SMAD9: variants seen among roughly 807,000 people sequenced by gnomAD.
The protein encoded by SMAD9 is SMAD family member 9, also known as MAD homolog 9.
Under a neutral mutation model 46.1 loss-of-function variants are expected in SMAD9, and 36 were observed. The observed-to-expected ratio is 0.78, with a 90% CI of 0.60 to 1.03. The LOEUF is 1.03. Ranked by LOEUF, SMAD9 falls within the 50% of genes least tolerant of loss-of-function variation. SMAD9 has a pLI of 0.00. For synonymous variants in SMAD9, 245 were observed against 237.1 expected (o/e 1.03, Z -0.31); for missense variants, 572 against 599.8 (o/e 0.95, Z 0.48).
At position 36,905,326 on chromosome 13, in the gene SMAD9, A is replaced by C. The variant is rs1251605008; in HGVS notation, c.-187+14790T>G. Reference sequence around the variant, plus strand: ...GTAATTCACTCTTCCTGAAAATCTTAATCATTCTTATCCTGTTCAAAAGGT... The same window carrying C: ...GTAATTCACTCTTCCTGAAAATCTTCATCATTCTTATCCTGTTCAAAAGGT... On this transcript the variant is annotated intron_variant, in intron 1 of 6. Coordinates refer to ENST00000379826, the MANE Select transcript of SMAD9 (RefSeq NM_001127217.3). Among the ~76,000 whole-genome samples the C allele has an allele frequency of 2.6e-5, 4 of 152,270 alleles. No individual in the cohort carries two copies. The South Asian group carries it at 6.2e-4, about 24-fold the overall frequency.
intron 2 of SMAD9, among the ~76,000 whole-genome samples, chr13:36,877,399 A>T (rs996639975): frequency 5.3e-5 from 8 of 152,216 alleles, no homozygotes; most frequent in Non-Finnish European, 1.2e-4. Context: ...TAGTTCTTTA[A>T]AATTAGGCTT....
intron 6 of SMAD9, among the ~76,000 whole-genome samples, chr13:36,849,157 C>G (rs575966440): frequency 6.2e-4 from 94 of 152,214 alleles, no homozygotes; most frequent in African/African-American, 2.2e-3. Context: ...CCCTTCATGC[C>G]CAGGACAGTG....
intron 1 of SMAD9, among the ~76,000 whole-genome samples, chr13:36,918,715 T>G (rs564134896): frequency 2.6e-4 from 40 of 152,340 alleles, no homozygotes; most frequent in African/African-American, 9.6e-4. Context: ...GAGTTGAGAA[T>G]GTCTTTGGCT....
At chr13:36,906,036 A>G (rs991649933) in intron 1 of SMAD9, among the ~76,000 whole-genome samples, 1 of 152,152 alleles carries the variant, frequency 6.6e-6, no homozygotes, top group Non-Finnish European at 1.5e-5. Flanking sequence ...TTAAATAAGG[A>G]GAACACCAAG....
At position 36,847,746 on chromosome 13, in the gene SMAD9, C is replaced by G. The variant is rs1593540957; in HGVS notation, c.*930G>C. 1 of 152,352 alleles carries G rather than the reference C, an allele frequency of 6.6e-6. No individual in the cohort carries two copies. Among genetic ancestry groups the G allele is most frequent in the Non-Finnish European group, 1.5e-5 (1 of 68,040 alleles). The allele number at this position is 152,352 out of a possible 1,614,324, so 9.4% of individuals were successfully genotyped here. A position where few individuals can be genotyped will look rare whatever the true frequency, so the allele number is the denominator to read the frequency against. ...TGGGAAATGAGAAAGTGTAAGTCGA[C>G]GTGTGATGCTTTTCTCCAACCTTTG... On this transcript the variant is annotated 3_prime_UTR_variant, in exon 7 of 7. Transcript: ENST00000379826.
At position 36,847,398 on chromosome 13, in the gene SMAD9, ATTTGGGGGAT is replaced by A. The variant is rs2058044178; in HGVS notation, c.*1268_*1277del. On this transcript the variant is annotated 3_prime_UTR_variant, in exon 7 of 7. Coordinates refer to ENST00000379826, the MANE Select transcript of SMAD9 (RefSeq NM_001127217.3). ...AGTATATATATGAAAGTACCTAGAA[ATTTGGGGGAT>A]TTTCCTCCCTCATCTAAAGTAAAAT... is the stretch of plus-strand genomic sequence containing the variant. The A allele has an allele frequency of 6.6e-6, 1 of 152,218 alleles. No individual in the cohort carries two copies. Among genetic ancestry groups the A allele is most frequent in the Non-Finnish European group, 1.5e-5 (1 of 68,042 alleles). 9.4% of individuals were successfully genotyped at this position (152,218 alleles called of 1,614,324 possible). A position where few individuals can be genotyped will look rare whatever the true frequency, so the allele number is the denominator to read the frequency against.
rs2058039408 is a variant in SMAD9, at chr13:36,846,493, A to G, written c.*2183T>C. 6.8e-6 allele frequency: 1 copy of G among 146,738 alleles called. No individual in the cohort carries two copies. Among genetic ancestry groups the G allele is most frequent in the African/African-American group, 2.6e-5 (1 of 39,048 alleles). 9.1% of individuals were successfully genotyped at this position (146,738 alleles called of 1,614,324 possible). A position where few individuals can be genotyped will look rare whatever the true frequency, so the allele number is the denominator to read the frequency against. On this transcript the variant is annotated 3_prime_UTR_variant, in exon 7 of 7. Coordinates refer to ENST00000379826, the MANE Select transcript of SMAD9 (RefSeq NM_001127217.3). ...CATCTCAAAAAAAAAAAAAAAAAAAAAAAGATTACCAGAGGATAAGTTAGA... is the reference window on the plus strand; with the variant it reads ...CATCTCAAAAAAAAAAAAAAAAAAAGAAAGATTACCAGAGGATAAGTTAGA...
At chr13:36,852,071 A>T (rs1056975340) in intron 6 of SMAD9, 13 of 971,302 alleles carry the variant, frequency 1.3e-5, no homozygotes, top group Non-Finnish European at 1.5e-5. Flanking sequence ...TAACTTTATA[A>T]TATATGCTTT....
At position 36,894,657 on chromosome 13, in the gene SMAD9, CCT is replaced by C. The variant is rs2058513967; in HGVS notation, c.-186-14784_-186-14783del. ...TCTGCTTCCTGACCTCTTCCTCTCCCCTCTTTTAGGTCCAGTCACCTCCATGG... is the reference window on the plus strand; with the variant it reads ...TCTGCTTCCTGACCTCTTCCTCTCCCCTTTTAGGTCCAGTCACCTCCATGG... On this transcript the variant is annotated intron_variant, in intron 1 of 6. Transcript: ENST00000379826. Among the ~76,000 whole-genome samples, 6 of 152,232 alleles carry C rather than the reference CCT, an allele frequency of 3.9e-5. No individual in the cohort carries two copies. The South Asian group carries it at 1.2e-3, about 32-fold the overall frequency.
Position 36,845,740 on chromosome 13 carries a change from C to CTGAT in SMAD9, c.*2932_*2935dup, listed in dbSNP as rs1348742392. ...AAACTCTTGGTAGCAAAAGAAAAAG[C>CTGAT]TGATTAAAATATGATTGTGTTACAA... On this transcript the variant is annotated 3_prime_UTR_variant, in exon 7 of 7. Coordinates refer to ENST00000379826, the MANE Select transcript of SMAD9 (RefSeq NM_001127217.3). 2.6e-5 allele frequency: 4 copies of CTGAT among 152,110 alleles called. No homozygotes were observed. In the East Asian group the frequency reaches 7.7e-4, roughly 29 times the overall value. The allele number at this position is 152,110 out of a possible 1,614,324, so 9.4% of individuals were successfully genotyped here.
chr13:36,859,342 C>T (rs1399731560), intron 5 of SMAD9, among the ~76,000 whole-genome samples: 2 of 152,118 alleles, frequency 1.3e-5, no homozygotes, highest in Non-Finnish European at 2.9e-5. Context: ...AGAGTGACTC[C>T]GTCTTGAGTA....
chr13:36,874,679 A>C (rs1400581638), intron 2 of SMAD9, among the ~76,000 whole-genome samples: 1 of 151,832 alleles, frequency 6.6e-6, no homozygotes, highest in Non-Finnish European at 1.5e-5. Context: ...AACACAGTGA[A>C]ACCCCGTCTC....
In SMAD9 at chr13:36,919,377, G is replaced by A. The variant is rs572363964; in HGVS notation, c.-187+739C>T. ...CCTCTGCGGAGAGCTGGCACCGAGG[G>A]GCGGGCCAAGGAAAAGACAAACACC... On this transcript the variant is annotated intron_variant, in intron 1 of 6. Transcript: ENST00000379826. Among the ~76,000 whole-genome samples the A allele has an allele frequency of 5.9e-5, 9 of 152,178 alleles. 1 individual carries two copies. The South Asian group carries it at 1.5e-3, about 25-fold the overall frequency.
At chr13:36,862,826 CT>C (rs1360382412) in intron 5 of SMAD9, among the ~76,000 whole-genome samples, 1 of 152,150 alleles carries the variant, frequency 6.6e-6, no homozygotes, top group Non-Finnish European at 1.5e-5. Context: ...CCAGGAAGGC[CT>C]TCCCTGGTTA....
chr13:36,858,861 C>A (rs1374350405), intron 5 of SMAD9, among the ~76,000 whole-genome samples: 1 of 152,028 alleles, frequency 6.6e-6, no homozygotes, highest in Non-Finnish European at 1.5e-5. Flanking sequence ...AGATGCACGC[C>A]GCCATACTCA....
intron 3 of SMAD9, among the ~76,000 whole-genome samples, chr13:36,870,045 T>C (rs996961480): frequency 6.6e-6 from 1 of 152,210 alleles, no homozygotes; most frequent in Non-Finnish European, 1.5e-5. Flanking sequence ...GGTCTGTTAC[T>C]CAGGTTGGCA....
intron 3 of SMAD9, 146 bp downstream of exon 3, chr13:36,872,512 C>G: frequency 1.1e-6 from 1 of 952,134 alleles, no homozygotes; most frequent in South Asian, 1.4e-5. Flanking sequence ...AGGTATAGTC[C>G]TAATCATTTT....
At chr13:36,895,988 G>GCA (rs2058524618) in intron 1 of SMAD9, among the ~76,000 whole-genome samples, 1 of 152,134 alleles carries the variant, frequency 6.6e-6, no homozygotes, top group African/African-American at 2.4e-5. Flanking sequence ...GAAGTAATGT[G>GCA]CAGTTACAAA....
At chr13:36,849,031 T>G (rs1271433143) in intron 6 of SMAD9, among the ~76,000 whole-genome samples, 1 of 152,186 alleles carries the variant, frequency 6.6e-6, no homozygotes, top group Non-Finnish European at 1.5e-5. Context: ...GTGCATTCCC[T>G]CAGGGTTCAC....
Sources: gnomAD v4.1 joint callset for allele counts (sites outside exome capture counted in the v4.1 genomes callset) on GRCh38, gnomAD v4.1.1 for gene constraint, MANE v1.5 for transcripts, NCBI Gene and HGNC (gene_info 2026-07-23, HGNC 2026-07-21) for gene names.